Variants in ABTB3 observed in about 807,000 individuals in gnomAD.
ABTB3 encodes the protein ankyrin repeat and BTB domain containing 3, also known as ankyrin repeat- and BTB/POZ domain-containing protein 3.
the ABTB3 span, chr12:107,543,905 G>A: frequency 6.3e-7 from 1 of 1,586,226 alleles, no homozygotes; most frequent in Non-Finnish European, 8.6e-7. Context: ...TGGCTTCCTG[G>A]AGGATCTGAA....
At chr12:107,477,615 T>C in the ABTB3 span, among the ~76,000 whole-genome samples, 1 of 152,218 alleles carries the variant, frequency 6.6e-6, no homozygotes, top group Non-Finnish European at 1.5e-5. Flanking sequence ...TGTTTTATTT[T>C]ATGCTAGTTT....
At chr12:107,350,358 G>A in the ABTB3 span, among the ~76,000 whole-genome samples, 1,449 of 152,084 alleles carry the variant, frequency 9.5e-3, 26 homozygotes, top group African/African-American at 0.033. Flanking sequence ...AGACCATCCT[G>A]GCTAACACGG....
At chr12:107,647,376 G>T in the ABTB3 span, among the ~76,000 whole-genome samples, 2 of 151,940 alleles carry the variant, frequency 1.3e-5, no homozygotes, top group African/African-American at 4.8e-5. Flanking sequence ...ACGGTGGTGC[G>T]TGCCTGTAGT....
chr12:107,400,860 G>A, the ABTB3 span, among the ~76,000 whole-genome samples: 3 of 152,232 alleles, frequency 2.0e-5, no homozygotes, highest in South Asian at 6.2e-4. Flanking sequence ...GAGGAAAATG[G>A]ACTGGCAGTG....
chr12:107,407,311 A>T, the ABTB3 span, among the ~76,000 whole-genome samples: 3 of 152,156 alleles, frequency 2.0e-5, no homozygotes, highest in African/African-American at 7.2e-5. Flanking sequence ...ACGACAAATC[A>T]CTCTGAAACT....
chr12:107,525,406 A>C, the ABTB3 span, among the ~76,000 whole-genome samples: 45 of 150,956 alleles, frequency 3.0e-4, no homozygotes, highest in African/African-American at 9.5e-4. Context: ...TTTTTACTGT[A>C]CCTTTTTTAT....
chr12:107,440,068 T>C, the ABTB3 span, among the ~76,000 whole-genome samples: 1 of 152,192 alleles, frequency 6.6e-6, no homozygotes, highest in African/African-American at 2.4e-5. Flanking sequence ...GTCTGGTTCA[T>C]TACCTGGGAA....
At chr12:107,449,856 C>T in the ABTB3 span, among the ~76,000 whole-genome samples, 7 of 151,882 alleles carry the variant, frequency 4.6e-5, no homozygotes, top group South Asian at 2.1e-4. Flanking sequence ...TTTCATCACT[C>T]GTCTTGAACT....
chr12:107,566,704 C>T, the ABTB3 span, among the ~76,000 whole-genome samples: 2 of 146,458 alleles, frequency 1.4e-5, no homozygotes, highest in African/African-American at 2.6e-5. Flanking sequence ...TACCAAAACA[C>T]AGTTCATGAA....
At chr12:107,620,077 G>C in the ABTB3 span, 3 of 1,614,066 alleles carry the variant, frequency 1.9e-6, no homozygotes, top group Non-Finnish European at 2.5e-6. Flanking sequence ...TGTTAAAGGA[G>C]TTTAAGACCA....
At chr12:107,514,291 G>A in the ABTB3 span, among the ~76,000 whole-genome samples, 1 of 152,140 alleles carries the variant, frequency 6.6e-6, no homozygotes, top group Non-Finnish European at 1.5e-5. Context: ...ACAATCAAAG[G>A]CATTAGTTTG....
the ABTB3 span, among the ~76,000 whole-genome samples, chr12:107,637,826 GTGTGTGT>G: frequency 1.6e-5 from 2 of 129,000 alleles, no homozygotes; most frequent in African/African-American, 2.6e-5. Flanking sequence ...GTGTGTGTGT[GTGTGTGT>G]GGTATGGTGT....
the ABTB3 span, among the ~76,000 whole-genome samples, chr12:107,420,364 A>G: frequency 2.0e-5 from 3 of 152,336 alleles, no homozygotes; most frequent in East Asian, 3.9e-4. Flanking sequence ...ACGGTTTCAC[A>G]TGGCGGGGGA....
At chr12:107,477,716 T>C in the ABTB3 span, among the ~76,000 whole-genome samples, 2 of 152,140 alleles carry the variant, frequency 1.3e-5, no homozygotes, top group African/African-American at 2.4e-5. Flanking sequence ...TATGGCAAGA[T>C]AAACTAAATG....
At chr12:107,610,437 C>A in the ABTB3 span, 3 of 1,546,138 alleles carry the variant, frequency 1.9e-6, no homozygotes, top group Admixed American at 1.7e-5. Flanking sequence ...GCCGGTGAAT[C>A]CCCTCTGCAG....
At chr12:107,503,478 T>C in the ABTB3 span, among the ~76,000 whole-genome samples, 3 of 151,822 alleles carry the variant, frequency 2.0e-5, no homozygotes, top group South Asian at 6.2e-4. Context: ...ATAAAAGGCA[T>C]GGATAAGGCC....
At chr12:107,619,855 G>C in the ABTB3 span, 7 of 808,218 alleles carry the variant, frequency 8.7e-6, no homozygotes, top group Non-Finnish European at 1.3e-5. Context: ...CCTTGGTCTC[G>C]TCATTTAGTA....
chr12:107,499,362 C>CTGTGTGTG, the ABTB3 span, among the ~76,000 whole-genome samples: 9,770 of 149,634 alleles, frequency 0.065, 343 homozygotes, highest in African/African-American at 0.074. Flanking sequence ...AAGAGGGAAG[C>CTGTGTGTG]TGTGTGTGTG....
the ABTB3 span, among the ~76,000 whole-genome samples, chr12:107,587,754 C>G: frequency 3.9e-5 from 6 of 152,266 alleles, no homozygotes; most frequent in African/African-American, 1.4e-4. Flanking sequence ...GTGTGAAATA[C>G]ACACACGTGT....
Sources: gnomAD v4.1 joint callset for allele counts (sites outside exome capture counted in the v4.1 genomes callset) on GRCh38, gnomAD v4.1.1 for gene constraint, MANE v1.5 for transcripts, NCBI Gene and HGNC (gene_info 2026-07-23, HGNC 2026-07-21) for gene names.